Variants in EFL1 observed in about 807,000 individuals in gnomAD.
EFL1 encodes the protein elongation factor like GTPase 1.
In EFL1, 76 loss-of-function variants were observed where a neutral mutation model predicts 126.7. That is an observed-to-expected ratio of 0.60 (90% CI 0.50 to 0.73). The LOEUF (loss-of-function observed/expected upper bound fraction) is 0.73. Among genes scored for constraint, EFL1 ranks in the 30% least tolerant of loss-of-function variants. EFL1 has a pLI of 0.00. For missense variants in EFL1, 1,128 were observed against 1,343.2 expected, an observed-to-expected ratio of 0.84 and a Z score of 2.50; for synonymous variants, 410 against 448.4, an observed-to-expected ratio of 0.91 and a Z score of 1.08.
chr15:82,196,902 G>C (rs376056635), intron 15 of EFL1, among the ~76,000 whole-genome samples: 2 of 152,040 alleles, frequency 1.3e-5, no homozygotes, highest in East Asian at 3.9e-4. Context: ...CATGGTGGTG[G>C]GTGCCTATAA....
chr15:82,219,614 G>A lies in EFL1; in HGVS notation c.1611+38C>T, dbSNP rs765495448. On this transcript the variant is annotated intron_variant, in intron 14 of 19. Transcript: ENST00000268206. The stretch of plus-strand genomic sequence containing the variant: ...AAATGTGAAAAGATATCAGACCCTC[G>A]AGAAACAATATATAAATATTTTACT... 5 of 1,568,146 alleles carry A rather than the reference G, an allele frequency of 3.2e-6. No individual in the cohort carries two copies. The East Asian group carries it at 6.9e-5, about 22-fold the overall frequency.
chr15:82,136,497 ATCTC>A (rs1317424521), intron 19 of EFL1, among the ~76,000 whole-genome samples: 2 of 152,204 alleles, frequency 1.3e-5, no homozygotes, highest in Non-Finnish European at 2.9e-5. Flanking sequence ...AGTGGACTGA[ATCTC>A]TCTGGTTCTA....
Position 82,151,451 on chromosome 15 carries a change from C to A in EFL1, c.2989+14G>T. 1 of 1,587,940 alleles carries A rather than the reference C, an allele frequency of 6.3e-7. No individual in the cohort carries two copies. The highest frequency in any genetic ancestry group is 8.6e-7 in the Non-Finnish European group (1 of 1,169,078). On this transcript the variant is annotated intron_variant, in intron 18 of 19. Coordinates refer to ENST00000268206, the MANE Select transcript of EFL1 (RefSeq NM_024580.6). The stretch of plus-strand genomic sequence containing the variant: ...TCAGGGCATTTCTCACTATCTTTAC[C>A]TTTTCTTCCTTACCGAGAACATCAC...
intron 15 of EFL1, among the ~76,000 whole-genome samples, chr15:82,190,695 C>T (rs1055880269): frequency 1.3e-5 from 2 of 152,098 alleles, no homozygotes; most frequent in African/African-American, 4.8e-5. Flanking sequence ...AGGGATTTTA[C>T]TTTTGTTCCA....
chr15:82,211,529 G>GA (rs1195154367), intron 15 of EFL1, among the ~76,000 whole-genome samples: 68 of 68,472 alleles, frequency 9.9e-4, no homozygotes, highest in East Asian at 5.0e-3. Flanking sequence ...CTGTCTCAAA[G>GA]AAAAAAAAAA....
intron 4 of EFL1, among the ~76,000 whole-genome samples, chr15:82,249,772 T>C (rs536043052): frequency 5.9e-5 from 9 of 152,160 alleles, no homozygotes; most frequent in Middle Eastern, 3.4e-3. Flanking sequence ...GTAAAGATAA[T>C]AGAGGTTCCA....
intron 15 of EFL1, among the ~76,000 whole-genome samples, chr15:82,180,270 G>C (rs1481781577): frequency 6.6e-6 from 1 of 150,862 alleles, no homozygotes; most frequent in Middle Eastern, 3.4e-3. Flanking sequence ...TTGGCATCTA[G>C]CAGATCCTCC....
intron 15 of EFL1, among the ~76,000 whole-genome samples, chr15:82,209,826 A>G (rs1339167271): frequency 7.9e-5 from 12 of 152,376 alleles, no homozygotes; most frequent in Admixed American, 1.3e-4. Context: ...CTGAGTTCAA[A>G]TGTGAAATCT....
chr15:82,220,206 G>A lies in EFL1; in HGVS notation c.1316C>T (p.Ala439Val), dbSNP rs2074696675. The A allele has an allele frequency of 6.2e-7, 1 of 1,605,510 alleles. No individual in the cohort carries two copies. The highest frequency in any genetic ancestry group is 1.3e-5 in the African/African-American group (1 of 74,356). Residue 439 changes from alanine (A) to valine (V), a missense_variant, in exon 13 of 20, where the codon GCT becomes GTT. Transcript: ENST00000268206. ...KPRPLTQEEI[A>V]QRRERARQRH... ...TTGTCTTGCACGCTCACGTCTCTGA[G>A]CAATTTCTTCTTGAGTGAGAGGCCT... is the stretch of plus-strand genomic sequence containing the variant.
intron 3 of EFL1, among the ~76,000 whole-genome samples, chr15:82,258,036 T>C (rs940854287): frequency 6.6e-6 from 1 of 152,186 alleles, no homozygotes; most frequent in South Asian, 2.1e-4. Flanking sequence ...AACCCACACA[T>C]CAATTCCCAA....
chr15:82,179,341 A>AT (rs1024886303), intron 15 of EFL1, among the ~76,000 whole-genome samples: 4 of 151,946 alleles, frequency 2.6e-5, no homozygotes, highest in Non-Finnish European at 5.9e-5. Flanking sequence ...GTTAACATGA[A>AT]TTTTTTTTTA....
chr15:82,207,720 G>T (rs1256051629), intron 15 of EFL1, among the ~76,000 whole-genome samples: 6 of 101,230 alleles, frequency 5.9e-5, no homozygotes, highest in African/African-American at 2.7e-4. Flanking sequence ...TTGATTGATT[G>T]ATTTTTTTTT....
chr15:82,148,945 T>C (rs1413202891), intron 18 of EFL1, among the ~76,000 whole-genome samples: 2 of 146,370 alleles, frequency 1.4e-5, no homozygotes, highest in East Asian at 4.0e-4. Flanking sequence ...CAACATGGAC[T>C]TTCTAATACA....
In EFL1 at chr15:82,138,677, A is replaced by G; in HGVS notation, c.3155T>C (p.Leu1052Pro). ...KRTSGLASPQLVFSHWEIIPS... is the reference protein window; with the variant it reads ...KRTSGLASPQPVFSHWEIIPS... The stretch of plus-strand genomic sequence containing the variant: ...TTTTACCTCCCAATGGCTGAATACT[A>G]GTTGTGGGCTGGCCAGGCCACTTGT... Residue 1052 changes from leucine to proline, a missense_variant, in exon 19 of 20, where the codon CTA becomes CCA. Transcript: ENST00000268206. The G allele has an allele frequency of 6.2e-7, 1 of 1,613,696 alleles. No individual in the cohort carries two copies. Among genetic ancestry groups the G allele is most frequent in the South Asian group, 1.1e-5 (1 of 91,002 alleles).
chr15:82,239,986 C>T (rs1320226131), intron 6 of EFL1, among the ~76,000 whole-genome samples: 4 of 152,194 alleles, frequency 2.6e-5, no homozygotes, highest in Non-Finnish European at 5.9e-5. Context: ...GGATTCTGAC[C>T]TGTTCATCTT....
chr15:82,189,236 G>A (rs907718102), intron 15 of EFL1, among the ~76,000 whole-genome samples: 2 of 152,136 alleles, frequency 1.3e-5, no homozygotes, highest in Non-Finnish European at 2.9e-5. Flanking sequence ...ATAATCTTAT[G>A]GGACCACCAT....
At chr15:82,153,080 C>T (rs1467456237) in intron 17 of EFL1, among the ~76,000 whole-genome samples, 1 of 152,108 alleles carries the variant, frequency 6.6e-6, no homozygotes, top group Admixed American at 6.6e-5. Flanking sequence ...AGCTACTAAG[C>T]ATTTGAAATG....
At chr15:82,257,554 A>G (rs577547844) in intron 3 of EFL1, among the ~76,000 whole-genome samples, 3 of 152,338 alleles carry the variant, frequency 2.0e-5, no homozygotes, top group Admixed American at 2.0e-4. Context: ...AAAATTGTCT[A>G]TATTGCTAGT....
rs1484198576 is a variant in EFL1 at position 82,138,438 on chromosome 15, G to A, written c.3174+220C>T. ...AGAGAGAGAGAGAGTGTATGTGTGT[G>A]TGTGTGTGTGTGTGTGTGTGTTTAT... On this transcript the variant is annotated intron_variant, in intron 19 of 19. Coordinates refer to ENST00000268206, the MANE Select transcript of EFL1 (RefSeq NM_024580.6). Among the ~76,000 whole-genome samples, 11 of 151,778 alleles carry A rather than the reference G, an allele frequency of 7.2e-5. No individual in the cohort carries two copies. In the Middle Eastern group the frequency reaches 0.01, roughly 141 times the overall value.
Sources: allele counts gnomAD v4.1 joint callset (sites outside exome capture counted in the v4.1 genomes callset), GRCh38; gene constraint gnomAD v4.1.1; transcripts MANE v1.5; gene names NCBI Gene and HGNC (gene_info 2026-07-23, HGNC 2026-07-21).